The following DLG1 variants were observed in gnomAD, a reference collection of about 807,000 sequenced individuals.
The protein encoded by DLG1 is discs large MAGUK scaffold protein 1.
A neutral mutation model predicts 123.4 loss-of-function variants in DLG1; 42 were observed. That is an observed-to-expected ratio of 0.34 (90% CI 0.27 to 0.44). The LOEUF is 0.44. Ranked by LOEUF, DLG1 falls within the 20% of genes least tolerant of loss-of-function variation. The pLI is 1.00. For synonymous variants in DLG1, 317 were observed against 356.2 expected, an observed-to-expected ratio of 0.89 and a Z score of 1.24; for missense variants, 942 against 1,082.6, an observed-to-expected ratio of 0.87 and a Z score of 1.82.
intron 23 of DLG1, among the ~76,000 whole-genome samples, chr3:197,056,318 C>A (rs1434186494): frequency 6.6e-6 from 1 of 152,178 alleles, no homozygotes; most frequent in African/African-American, 2.4e-5. Flanking sequence ...ATATACCCAA[C>A]TTGGTTGTTA....
intron 5 of DLG1, among the ~76,000 whole-genome samples, chr3:197,159,360 T>C (rs1797854795): frequency 1.3e-5 from 2 of 152,286 alleles, no homozygotes; most frequent in South Asian, 4.1e-4. Context: ...AGTTTTCATC[T>C]ATGTATCTTT....
chr3:197,118,844 A>C (rs1033236418), intron 12 of DLG1, among the ~76,000 whole-genome samples: 5 of 152,192 alleles, frequency 3.3e-5, no homozygotes, highest in African/African-American at 1.2e-4. Flanking sequence ...GCAAACAAAC[A>C]AACCCACCCA....
At chr3:197,235,504 C>A (rs2150675479) in intron 4 of DLG1, among the ~76,000 whole-genome samples, 1 of 152,236 alleles carries the variant, frequency 6.6e-6, no homozygotes, top group Non-Finnish European at 1.5e-5. Context: ...AGAGGGGCCT[C>A]AATAAACACT....
intron 9 of DLG1, among the ~76,000 whole-genome samples, chr3:197,137,254 C>T (rs544353225): frequency 2.0e-5 from 3 of 152,158 alleles, no homozygotes; most frequent in Non-Finnish European, 4.4e-5. Context: ...ATTGAAACTA[C>T]TATTTCCATT....
At chr3:197,047,593 CTT>C (rs1233753177) in intron 24 of DLG1, among the ~76,000 whole-genome samples, 7 of 143,420 alleles carry the variant, frequency 4.9e-5, no homozygotes, top group African/African-American at 1.0e-4. Context: ...TTGCTACCTA[CTT>C]TTTTTTTTTT....
chr3:197,140,560 G>A (rs1787445407), intron 7 of DLG1, among the ~76,000 whole-genome samples: 1 of 152,180 alleles, frequency 6.6e-6, no homozygotes, highest in Non-Finnish European at 1.5e-5. Context: ...TCACCCATCT[G>A]CAGAGGTGTC....
chr3:197,052,231 G>C (rs1728318105), intron 23 of DLG1, among the ~76,000 whole-genome samples: 1 of 151,986 alleles, frequency 6.6e-6, no homozygotes. Flanking sequence ...AAGGCAGGTG[G>C]ATCACTTGAG....
intron 3 of DLG1, among the ~76,000 whole-genome samples, chr3:197,292,647 T>A (rs1400805950): frequency 6.6e-6 from 1 of 152,204 alleles, no homozygotes; most frequent in African/African-American, 2.4e-5. Flanking sequence ...TAATGTCCTT[T>A]TATAAGGGCT....
At chr3:197,155,523 A>G (rs1047241239) in intron 5 of DLG1, among the ~76,000 whole-genome samples, 2 of 152,198 alleles carry the variant, frequency 1.3e-5, no homozygotes, top group African/African-American at 4.8e-5. Flanking sequence ...AGGTAAATAC[A>G]TAGGTAATAA....
chr3:197,091,321 T>A (rs1395591891), intron 14 of DLG1, among the ~76,000 whole-genome samples: 1 of 152,038 alleles, frequency 6.6e-6, no homozygotes, highest in African/African-American at 2.4e-5. Context: ...AGCAGTAATC[T>A]TATATTACTG....
At chr3:197,047,483 CTGA>C (rs373019391) in intron 24 of DLG1, among the ~76,000 whole-genome samples, 4 of 152,068 alleles carry the variant, frequency 2.6e-5, no homozygotes, top group African/African-American at 9.7e-5. Context: ...CAAATTTAGG[CTGA>C]TATTATTTCA....
intron 4 of DLG1, among the ~76,000 whole-genome samples, chr3:197,254,236 G>A (rs1395632342): frequency 6.6e-6 from 1 of 152,212 alleles, no homozygotes; most frequent in African/African-American, 2.4e-5. Context: ...AGCAGGCTGA[G>A]AATGGGGCTA....
At chr3:197,075,895 C>A in intron 18 of DLG1, 1 of 1,605,420 alleles carries the variant, frequency 6.2e-7, no homozygotes, top group African/African-American at 1.3e-5. Context: ...CCCCAGAGAG[C>A]AAGCAATAAA....
chr3:197,174,134 G>A (rs1456026850), intron 5 of DLG1, among the ~76,000 whole-genome samples: 1 of 152,116 alleles, frequency 6.6e-6, no homozygotes, highest in Non-Finnish European at 1.5e-5. Flanking sequence ...GCTACATTTG[G>A]CCTACAGATT....
chr3:197,097,578 T>TTA (rs1761284008), intron 14 of DLG1, among the ~76,000 whole-genome samples: 1 of 138,710 alleles, frequency 7.2e-6, no homozygotes, highest in Admixed American at 7.4e-5. Context: ...TTTTTGTACT[T>TTA]TCTTTTTTTT....
chr3:197,065,213 C>T, intron 22 of DLG1, 63 bp downstream of exon 22: 3 of 1,459,232 alleles, frequency 2.1e-6, no homozygotes, highest in Non-Finnish European at 2.7e-6. Flanking sequence ...TCCTACCAGT[C>T]TTGCATACTG....
intron 8 of DLG1, among the ~76,000 whole-genome samples, chr3:197,139,283 C>G (rs1243492555): frequency 2.6e-5 from 4 of 152,076 alleles, no homozygotes; most frequent in Admixed American, 2.6e-4. Context: ...CTATATCTAA[C>G]AGAATCAGGA....
chr3:197,066,849 C>A, intron 19 of DLG1, 95 bp from the exon 20 acceptor site: 2 of 765,184 alleles, frequency 2.6e-6, no homozygotes, highest in South Asian at 2.3e-5. Flanking sequence ...TAGAACTTTC[C>A]TGAGAAAATG....
At chr3:197,224,826 T>G (rs1220435757) in intron 4 of DLG1, among the ~76,000 whole-genome samples, 1 of 152,134 alleles carries the variant, frequency 6.6e-6, no homozygotes, top group Non-Finnish European at 1.5e-5. Flanking sequence ...AATTGAAAAG[T>G]TTCAGTCATA....
Sources: allele counts gnomAD v4.1 joint callset (sites outside exome capture counted in the v4.1 genomes callset), GRCh38; gene constraint gnomAD v4.1.1; transcripts MANE v1.5; gene names NCBI Gene and HGNC (gene_info 2026-07-23, HGNC 2026-07-21).